RPH3A: variants seen among roughly 807,000 people sequenced by gnomAD.
The protein encoded by RPH3A is rabphilin 3A, also known as rabphilin-3A.
RPH3A carries 48 observed loss-of-function variants against 102.2 expected under a neutral mutation model. The observed-to-expected ratio is 0.47, with a 90% CI of 0.37 to 0.60. RPH3A has a LOEUF of 0.60. Among genes scored for constraint, RPH3A ranks in the 20% least tolerant of loss-of-function variants. The pLI is 0.00. For synonymous variants in RPH3A, 310 were observed against 324.3 expected (o/e 0.96, Z 0.47); for missense variants, 781 against 910.1 (o/e 0.86, Z 1.83).
rs57589468 is a variant in RPH3A, at chr12:112,642,828, T to A, written c.-140+67509T>A. Among the ~76,000 whole-genome samples, 409 of 152,310 alleles carry A rather than the reference T, an allele frequency of 2.7e-3. 4 individuals are homozygous for A. The highest frequency in any genetic ancestry group is 9.3e-3 in the African/African-American group (388 of 41,562). On this transcript the variant is annotated intron_variant, in intron 1 of 21. Transcript: ENST00000543106. ...CTCACATCAATTCCATAAGGTGTGT[T>A]CTATTATCATTCCCATTTTCTAGCA...
intron 1 of RPH3A, among the ~76,000 whole-genome samples, chr12:112,604,716 T>G (rs2039582941): frequency 6.6e-6 from 1 of 152,220 alleles, no homozygotes; most frequent in South Asian, 2.1e-4. Context: ...CTCATGAGGT[T>G]GTAGTCAGAA....
chr12:112,722,058 C>A (rs1428379751), intron 1 of RPH3A, among the ~76,000 whole-genome samples: 1 of 152,140 alleles, frequency 6.6e-6, no homozygotes, highest in Non-Finnish European at 1.5e-5. Flanking sequence ...AATGTCAGGG[C>A]TGAAAGAGGC....
At chr12:112,873,333 C>T (rs192467197) in intron 10 of RPH3A, among the ~76,000 whole-genome samples, 3 of 152,198 alleles carry the variant, frequency 2.0e-5, no homozygotes, top group Non-Finnish European at 4.4e-5. Context: ...AATAGCAGGG[C>T]TAGTGTTTAA....
At chr12:112,599,957 C>T (rs573868072) in intron 1 of RPH3A, among the ~76,000 whole-genome samples, 2 of 152,274 alleles carry the variant, frequency 1.3e-5, no homozygotes, top group Non-Finnish European at 2.9e-5. Context: ...GAGTGCATCA[C>T]GGGATGATAA....
intron 2 of RPH3A, among the ~76,000 whole-genome samples, chr12:112,815,641 T>G (rs1325546964): frequency 6.6e-6 from 1 of 152,192 alleles, no homozygotes; most frequent in Non-Finnish European, 1.5e-5. Context: ...GATTTAGAGC[T>G]GCAGATAAGT....
intron 1 of RPH3A, among the ~76,000 whole-genome samples, chr12:112,772,980 T>C (rs911116146): frequency 2.0e-5 from 3 of 152,094 alleles, no homozygotes; most frequent in African/African-American, 4.8e-5. Context: ...TGAGAACATA[T>C]GATGTTTGGT....
intron 1 of RPH3A, among the ~76,000 whole-genome samples, chr12:112,595,746 T>C (rs2135965818): frequency 6.6e-6 from 1 of 152,350 alleles, no homozygotes; most frequent in East Asian, 1.9e-4. Context: ...ATTATTTCCA[T>C]ACTCTTAGTG....
chr12:112,806,979 C>CA (rs967767359), intron 2 of RPH3A, among the ~76,000 whole-genome samples: 2 of 151,378 alleles, frequency 1.3e-5, no homozygotes, highest in African/African-American at 4.9e-5. Context: ...GAGAAAAAAA[C>CA]AGTTTTCTTG....
chr12:112,634,670 A>G (rs767698984), intron 1 of RPH3A, among the ~76,000 whole-genome samples: 16 of 152,128 alleles, frequency 1.1e-4, no homozygotes, highest in Non-Finnish European at 2.1e-4. Flanking sequence ...CATCTGTAGT[A>G]CACCAGATGA....
chr12:112,767,607 G>C (rs935925239), intron 1 of RPH3A, among the ~76,000 whole-genome samples: 1 of 152,198 alleles, frequency 6.6e-6, no homozygotes, highest in African/African-American at 2.4e-5. Context: ...TAGCACTGCT[G>C]TCAGACTTCT....
intron 2 of RPH3A, among the ~76,000 whole-genome samples, chr12:112,823,180 G>A (rs1262702534): frequency 6.6e-6 from 1 of 152,200 alleles, no homozygotes; most frequent in Non-Finnish European, 1.5e-5. Context: ...GCCAGGAATG[G>A]ACAATCACCA....
chr12:112,653,074 G>A (rs1483454844), intron 1 of RPH3A, among the ~76,000 whole-genome samples: 1 of 151,988 alleles, frequency 6.6e-6, no homozygotes. Flanking sequence ...AAATAGAAAA[G>A]GTACAATAAA....
intron 13 of RPH3A, 71 bp downstream of exon 13, chr12:112,876,937 G>T (rs988562679): frequency 1.5e-5 from 18 of 1,228,544 alleles, no homozygotes; most frequent in African/African-American, 6.0e-5. Context: ...AAACAGGAAC[G>T]GCTCAGGAAC....
At chr12:112,621,010 ATT>A (rs1324365562) in intron 1 of RPH3A, among the ~76,000 whole-genome samples, 2 of 146,168 alleles carry the variant, frequency 1.4e-5, no homozygotes, top group African/African-American at 2.5e-5. Context: ...TAACATTATT[ATT>A]TTTTTTTTTT....
At chr12:112,681,031 G>A (rs2136016289) in intron 1 of RPH3A, among the ~76,000 whole-genome samples, 1 of 152,226 alleles carries the variant, frequency 6.6e-6, no homozygotes, top group Non-Finnish European at 1.5e-5. Context: ...TCCCTATGAA[G>A]GAGAGGAGAA....
rs60493848 is a variant in RPH3A at position 112,727,458 on chromosome 12, G to GACACACAC, written c.-139-64659_-139-64652dup. ...ACACATACATACACACACAGACACA[G>GACACACAC]ACACACACACACACACACACACACA... On this transcript the variant is annotated intron_variant, in intron 1 of 21. Coordinates refer to the RPH3A transcript ENST00000543106. Among the ~76,000 whole-genome samples, 291 of 30,562 alleles carry GACACACAC rather than the reference G, an allele frequency of 9.5e-3. 3 individuals carry two copies. The highest frequency in any genetic ancestry group is 0.059 in the African/African-American group (230 of 3,886). The allele number at this position is 30,562 out of a possible 152,430, so 20.0% of individuals were successfully genotyped here.
At chr12:112,594,187 G>T (rs751134367) in intron 1 of RPH3A, among the ~76,000 whole-genome samples, 1 of 152,214 alleles carries the variant, frequency 6.6e-6, no homozygotes, top group South Asian at 2.1e-4. Context: ...GTACAAAAAG[G>T]GTGCTTGATT....
At chr12:112,721,303 G>A (rs1303925446) in intron 1 of RPH3A, among the ~76,000 whole-genome samples, 1 of 152,180 alleles carries the variant, frequency 6.6e-6, no homozygotes, top group Non-Finnish European at 1.5e-5. Flanking sequence ...ACCTGAAGGA[G>A]TTGGTGAATC....
At chr12:112,861,517 G>T (rs1316697068) in intron 5 of RPH3A, among the ~76,000 whole-genome samples, 1 of 152,234 alleles carries the variant, frequency 6.6e-6, no homozygotes, top group Admixed American at 6.5e-5. Context: ...TACATGGCAC[G>T]TGGCTGTGTG....
Sources: allele counts gnomAD v4.1 joint callset (sites outside exome capture counted in the v4.1 genomes callset), GRCh38; gene constraint gnomAD v4.1.1; transcripts MANE v1.5; gene names NCBI Gene and HGNC (gene_info 2026-07-23, HGNC 2026-07-21).